The following BTBD8 variants were observed in gnomAD, a reference collection of about 807,000 sequenced individuals.
BTBD8 encodes the protein BTB domain containing 8, also known as BTB/POZ domain-containing protein 8.
BTBD8 carries 110 observed loss-of-function variants against 162.9 expected under a neutral mutation model. That is an observed-to-expected ratio of 0.68 (90% confidence interval 0.58 to 0.79). The LOEUF is 0.79. Ranked by LOEUF, BTBD8 falls within the 30% of genes least tolerant of loss-of-function variation. The pLI is 0.00. For synonymous variants in BTBD8, 667 were observed against 716.1 expected (o/e 0.93, Z 1.10); for missense variants, 1,905 against 2,085.4 (o/e 0.91, Z 1.68).
intron 17 of BTBD8, among the ~76,000 whole-genome samples, chr1:92,182,820 AT>A (rs1238174176): frequency 6.6e-6 from 1 of 152,106 alleles, no homozygotes; most frequent in Non-Finnish European, 1.5e-5. Context: ...TTTGATTGTT[AT>A]ATAGAGCTAA....
In BTBD8 at chr1:92,171,707, C is replaced by T. The variant is rs903364646; in HGVS notation, c.1635+247C>T. Among the ~76,000 whole-genome samples, 5 of 152,116 alleles carry T rather than the reference C, an allele frequency of 3.3e-5. No individual in the cohort carries two copies. In the South Asian group the frequency reaches 6.2e-4, roughly 19 times the overall value. Reference sequence around the variant, plus strand: ...CCTTGAAAACCTTTTTGGCAGCTAACGTATTAGAGCTATTTCAGTCTATTA... The same window carrying T: ...CCTTGAAAACCTTTTTGGCAGCTAATGTATTAGAGCTATTTCAGTCTATTA... On this transcript the variant is annotated intron_variant, in intron 13 of 17. Coordinates refer to ENST00000636805, the MANE Select transcript of BTBD8 (RefSeq NM_001376131.1).
In BTBD8 at chr1:92,163,020, A is replaced by G. The variant is rs1000026652; in HGVS notation, c.1123-3938A>G. 7.2e-5 allele frequency among the ~76,000 whole-genome samples: 11 copies of G among 152,240 alleles called. No individual in the cohort carries two copies. In the East Asian group the frequency reaches 7.7e-4, roughly 11 times the overall value. On this transcript the variant is annotated intron_variant, in intron 9 of 17. Coordinates refer to ENST00000636805, the MANE Select transcript of BTBD8 (RefSeq NM_001376131.1). The stretch of plus-strand genomic sequence containing the variant: ...TATTAAAACAAATATATATATATAC[A>G]CTGGTAAGAAAAATATTCAAGATGT...
rs1650424907 is a variant in BTBD8, at chr1:92,167,877, G to A, written c.1335G>A (p.Leu445=). 6.4e-7 allele frequency: 1 copy of A among 1,550,922 alleles called. No homozygotes were observed. The highest frequency in any genetic ancestry group is 1.4e-5 in the African/African-American group (1 of 73,012). The stretch of plus-strand genomic sequence containing the variant: ...AAGCAATGAGCAGCACAGCCGATCT[G>A]TTGGACACAATTTTAAAAGCAATTG... ...QSQAMSSTAD[L]LDTILKAIEE... is the part of the protein sequence containing the mutation. The change falls in exon 11 of 18, where the codon CTG becomes CTA. Residue 445 remains leucine (L), a synonymous_variant. Transcript: ENST00000636805.
At chr1:92,157,147 C>T (rs949955277) in intron 9 of BTBD8, among the ~76,000 whole-genome samples, 1 of 151,864 alleles carries the variant, frequency 6.6e-6, no homozygotes, top group Non-Finnish European at 1.5e-5. Context: ...TTCAAGATAC[C>T]TTCTAATTTA....
Position 92,181,261 on chromosome 1 carries a change from C to A in BTBD8, c.3578C>A (p.Ala1193Glu). ...ATGGATGAAGACAAACATGCTACAG[C>A]AGACTCAGATGTATCTTCCAAGTGT... ...SAMDEDKHAT[A>E]DSDVSSKCFS... is the part of the protein sequence containing the mutation. Residue 1193 changes from alanine (A) to glutamate (E), a missense_variant, in exon 17 of 18, where the codon GCA (alanine) becomes GAA (glutamate). This residue lies in a region of BTBD8 where 1,374 missense variants were observed against 1,442.7 expected (regional missense o/e 0.95). Transcript: ENST00000636805. 1 of 1,551,744 alleles carries A rather than the reference C, an allele frequency of 6.4e-7. No homozygotes were observed. The highest frequency in any genetic ancestry group is 8.7e-7 in the Non-Finnish European group (1 of 1,147,006).
chr1:92,173,461 A>G (rs1026170029), intron 13 of BTBD8, among the ~76,000 whole-genome samples: 1 of 152,132 alleles, frequency 6.6e-6, no homozygotes, highest in Non-Finnish European at 1.5e-5. Flanking sequence ...CGTGTTTTTT[A>G]AAGGCCCCCA....
At chr1:92,159,538 G>A (rs1052893688) in intron 9 of BTBD8, among the ~76,000 whole-genome samples, 4 of 152,018 alleles carry the variant, frequency 2.6e-5, no homozygotes, top group Non-Finnish European at 5.9e-5. Context: ...GCTTTTTAAT[G>A]TACTTTTGTT....
At chr1:92,101,556 C>T (rs756163579) in intron 2 of BTBD8, among the ~76,000 whole-genome samples, 4 of 152,226 alleles carry the variant, frequency 2.6e-5, no homozygotes, top group Non-Finnish European at 4.4e-5. Flanking sequence ...ACAGAGGCAT[C>T]GAAGGTTCCA....
intron 6 of BTBD8, chr1:92,139,759 C>A (rs896994727): frequency 1.0e-4 from 23 of 220,720 alleles, no homozygotes; most frequent in South Asian, 1.6e-4. Flanking sequence ...TTTAGGATAT[C>A]TTTTCTAAAC....
At chr1:92,153,362 C>CTTATT (rs762745404) in intron 9 of BTBD8, among the ~76,000 whole-genome samples, 2 of 152,054 alleles carry the variant, frequency 1.3e-5, no homozygotes, top group African/African-American at 2.4e-5. Context: ...TCATCCTTTA[C>CTTATT]TTATTTTATT....
chr1:92,166,410 CT>C (rs1650386835), intron 9 of BTBD8, among the ~76,000 whole-genome samples: 1 of 140,806 alleles, frequency 7.1e-6, no homozygotes, highest in African/African-American at 2.6e-5. Flanking sequence ...ATTTTAGCTA[CT>C]TTTCTTTTCT....
rs1434299916 is a variant in BTBD8 at position 92,127,378 on chromosome 1, A to G, written c.663-2309A>G. ...TCAGTTGACTCTAGTATGATCTCCT[A>G]TGCTTATCAAGCTGATTCCAGGAGA... On this transcript the variant is annotated intron_variant, in intron 4 of 17. Coordinates refer to ENST00000636805, the MANE Select transcript of BTBD8 (RefSeq NM_001376131.1). 2.6e-5 allele frequency among the ~76,000 whole-genome samples: 4 copies of G among 152,318 alleles called. No individual in the cohort carries two copies. In the East Asian group the frequency reaches 7.7e-4, roughly 29 times the overall value.
At chr1:92,114,230 T>G (rs1648977841) in intron 4 of BTBD8, among the ~76,000 whole-genome samples, 1 of 152,102 alleles carries the variant, frequency 6.6e-6, no homozygotes, top group South Asian at 2.1e-4. Context: ...AAATGGATTA[T>G]CTATCGATAT....
intron 4 of BTBD8, among the ~76,000 whole-genome samples, chr1:92,111,659 A>C (rs1411945656): frequency 6.6e-6 from 1 of 152,222 alleles, no homozygotes; most frequent in Non-Finnish European, 1.5e-5. Flanking sequence ...AAGGAATAGT[A>C]GTAGAAATTA....
chr1:92,182,416 AATCTC>A lies in BTBD8; in HGVS notation c.4735_4739del (p.Ser1579ArgfsTer16), dbSNP rs1650942056. 1 of 1,550,554 alleles carries A rather than the reference AATCTC, an allele frequency of 6.4e-7. No homozygotes were observed. Among genetic ancestry groups the A allele is most frequent in the Admixed American group, 2.0e-5 (1 of 50,724 alleles). ...AGCAAATTCTTGGATAGTGATGTAA[AATCTC>A]AAGAAAGACCATGTCACTTGGATCT... On this transcript the variant is annotated frameshift_variant, in exon 17 of 18. Coordinates refer to ENST00000636805, the MANE Select transcript of BTBD8 (RefSeq NM_001376131.1). LOFTEE classifies it high-confidence loss of function.
intron 4 of BTBD8, among the ~76,000 whole-genome samples, chr1:92,128,172 G>A (rs2763040): frequency 0.032 from 4,764 of 150,834 alleles, 90 homozygotes; most frequent in African/African-American, 0.038. Flanking sequence ...GCTGGAGTGC[G>A]GTGGTGCGAT....
chr1:92,175,566 G>A (rs1035285731), intron 13 of BTBD8, among the ~76,000 whole-genome samples: 47 of 151,532 alleles, frequency 3.1e-4, no homozygotes, highest in African/African-American at 1.1e-3. Context: ...AGGCCGAGGC[G>A]GGTGGATTGC....
intron 2 of BTBD8, among the ~76,000 whole-genome samples, chr1:92,098,560 A>G (rs1648511657): frequency 6.6e-6 from 1 of 151,962 alleles, no homozygotes. Flanking sequence ...CAATTTCTCC[A>G]TATTCTCAAC....
Position 92,141,138 on chromosome 1 carries a change from T to A in BTBD8, c.857T>A (p.Met286Lys), listed in dbSNP as rs755618646. ...NVGQILNMADMYGLEGLKEVA... is the reference protein window; with the variant it reads ...NVGQILNMADKYGLEGLKEVA... ...AGTCAGATACTCAATATGGCTGATA[T>A]GTATGGACTAGAAGGATTAAAAGAA... Residue 286 changes from methionine to lysine, a missense_variant, in exon 7 of 18, where the codon ATG (methionine) becomes AAG (lysine). Transcript: ENST00000636805. 1.9e-6 allele frequency: 3 copies of A among 1,568,318 alleles called. No homozygotes were observed. In the African/African-American group the frequency reaches 4.1e-5, roughly 21 times the overall value.
Sources: allele counts gnomAD v4.1 joint callset (sites outside exome capture counted in the v4.1 genomes callset), GRCh38; gene constraint gnomAD v4.1.1; regional missense constraint gnomAD v4.1.1; transcripts MANE v1.5; gene names NCBI Gene and HGNC (gene_info 2026-07-23, HGNC 2026-07-21).